The following MITD1 variants were observed in gnomAD, a reference collection of about 807,000 sequenced individuals.
The protein encoded by MITD1 is MIT domain-containing protein 1.
MITD1 carries 24 observed loss-of-function variants against 34.9 expected under a neutral mutation model. The observed-to-expected ratio is 0.69, with a 90% CI of 0.50 to 0.97. The LOEUF is 0.97. MITD1 is among the 50% of genes least tolerant of loss of function. MITD1 has a pLI of 0.00. For synonymous variants in MITD1, 102 were observed against 101.4 expected (o/e 1.01, Z -0.04); for missense variants, 266 against 294.6 (o/e 0.90, Z 0.71).
downstream of MITD1, among the ~76,000 whole-genome samples, chr2:99,168,937 GC>G (rs1452563835): frequency 1.0e-4 from 13 of 128,984 alleles, no homozygotes; most frequent in East Asian, 2.9e-3. Context: ...ATGCCACCAT[GC>G]CCGGCTAATT....
At chr2:99,169,030 A>G (rs1183960372), downstream of MITD1, among the ~76,000 whole-genome samples, 3 of 129,200 alleles carry the variant, frequency 2.3e-5, no homozygotes, top group African/African-American at 8.9e-5. Flanking sequence ...ACTCTAATCC[A>G]TGGTGTCTTT....
chr2:99,180,774 C>T (rs1313370077), intron 1 of MITD1, 57 bp downstream of exon 1: 1 of 1,462,742 alleles, frequency 6.8e-7, no homozygotes, highest in Non-Finnish European at 9.6e-7. Context: ...TCACCCCAGA[C>T]ACAGCAGGAA....
chr2:99,180,939 C>T lies in MITD1; in HGVS notation c.43G>A (p.Ala15Thr). Residue 15 changes from alanine to threonine, a missense_variant, in exon 1 of 7, where the codon GCA becomes ACA. Ala to Thr is a moderately conservative substitution (Grantham distance 58). Transcript: ENST00000289359. ...GLRQDPQSTA[A>T]ATVLKRAVEL... ...ACTGCCCGCTTTAGCACAGTGGCTG[C>T]AGCTGTGCTCTGCGGGTCCTGCCTC... 1.2e-6 allele frequency: 2 copies of T among 1,614,154 alleles called. No homozygotes were observed. The highest frequency in any genetic ancestry group is 1.7e-6 in the Non-Finnish European group (2 of 1,180,018).
At position 99,173,983 on chromosome 2, in the gene MITD1, CTG is replaced by C. The variant is rs750709712; in HGVS notation, c.183_184del (p.Glu63LysfsTer30). 77 of 1,593,310 alleles carry C rather than the reference CTG, an allele frequency of 4.8e-5. No homozygotes were observed. Among genetic ancestry groups the C allele is most frequent in the Non-Finnish European group, 6.4e-5 (74 of 1,162,948 alleles). ...GTCCATGTATTTGGAAATTTTTTCT[CTG>C]AGATTACATCTCTTAGTATTATCTT... On this transcript the variant is annotated frameshift_variant, in exon 2 of 7. Transcript: ENST00000289359. LOFTEE classifies it high-confidence loss of function.
intron 7 of MITD1, chr2:99,162,590 A>AT: frequency 1.2e-6 from 2 of 1,614,134 alleles, no homozygotes; most frequent in Non-Finnish European, 1.7e-6. Flanking sequence ...TACCTTCCTT[A>AT]GTGAAAAATC....
At position 99,180,966 on chromosome 2, in the gene MITD1, G is replaced by C; in HGVS notation, c.16C>G (p.Leu6Val). The change falls in exon 1 of 7, where the codon CTG becomes GTG. Residue 6 changes from leucine (L) to valine (V), a missense_variant. Transcript: ENST00000289359. The part of the protein sequence containing the change: MAKSG[L>V]RQDPQSTAAA... ...GCTGTGCTCTGCGGGTCCTGCCTCA[G>C]CCCGGACTTCGCCATAATTCTGGAA... is the stretch of plus-strand genomic sequence containing the variant. 2 of 1,613,666 alleles carry C rather than the reference G, an allele frequency of 1.2e-6. No individual in the cohort carries two copies. The highest frequency in any genetic ancestry group is 1.7e-6 in the Non-Finnish European group (2 of 1,179,762).
chr2:99,170,956 A>G (rs1213183081), intron 4 of MITD1: 2 of 260,798 alleles, frequency 7.7e-6, no homozygotes, highest in East Asian at 1.5e-4. Flanking sequence ...AATCATAATT[A>G]TTTAGAAGCA....
At chr2:99,179,709 CGTG>C (rs1381181506) in intron 1 of MITD1, among the ~76,000 whole-genome samples, 6 of 152,050 alleles carry the variant, frequency 3.9e-5, no homozygotes, top group African/African-American at 1.4e-4. Flanking sequence ...ACTACAGGTG[CGTG>C]CCACCATGCC....
Position 99,181,009 on chromosome 2 carries a change from C to G in MITD1, c.-28G>C. 11 of 1,605,802 alleles carry G rather than the reference C, an allele frequency of 6.9e-6. No homozygotes were observed. Among genetic ancestry groups the G allele is most frequent in the Non-Finnish European group, 8.5e-6 (10 of 1,175,598 alleles). On this transcript the variant is annotated 5_prime_UTR_variant, in exon 1 of 7. Transcript: ENST00000289359. ...TTCTGGAAGTTCTCCTCCGCCTCAA[C>G]CCAGGATGAAGTTGAGCGGGTCTGC...
chr2:99,179,651 C>T (rs901203810), intron 1 of MITD1, among the ~76,000 whole-genome samples: 1 of 152,134 alleles, frequency 6.6e-6, no homozygotes, highest in Non-Finnish European at 1.5e-5. Flanking sequence ...CAACCTCCGC[C>T]TCCCGGATTC....
downstream of MITD1, among the ~76,000 whole-genome samples, chr2:99,165,730 T>C (rs1403451139): frequency 1.3e-5 from 2 of 152,226 alleles, no homozygotes; most frequent in Non-Finnish European, 2.9e-5. Flanking sequence ...AAAAGTTTAC[T>C]ATACTCTTTG....
At chr2:99,176,896 G>A (rs2093891086) in intron 1 of MITD1, among the ~76,000 whole-genome samples, 1 of 152,134 alleles carries the variant, frequency 6.6e-6, no homozygotes, top group Non-Finnish European at 1.5e-5. Context: ...ACCAAATTCT[G>A]GGTGCCAGCT....
rs1559178078 is a variant in MITD1 at position 99,171,573 on chromosome 2, T to C, written c.327A>G (p.Glu109=). The part of the protein sequence containing the change: ...TGFSYESLFR[E]YLNETVTEVW... The stretch of plus-strand genomic sequence containing the variant: ...CTTCTGTAACTGTCTCATTAAGGTA[T>C]TCGCGAAAAAGTGACTCATAACTGA... The change falls in exon 3 of 7, where the codon GAA becomes GAG. Residue 109 remains glutamate, a synonymous_variant. Transcript: ENST00000289359. 1 of 1,612,834 alleles carries C rather than the reference T, an allele frequency of 6.2e-7. No homozygotes were observed.
chr2:99,175,497 G>A (rs923764562), intron 1 of MITD1, among the ~76,000 whole-genome samples: 8 of 152,202 alleles, frequency 5.3e-5, no homozygotes, highest in African/African-American at 1.7e-4. Flanking sequence ...TGCTCAGTGG[G>A]TACATGATGT....
At chr2:99,164,861 A>T (rs1279735011), downstream of MITD1, among the ~76,000 whole-genome samples, 2 of 120,032 alleles carry the variant, frequency 1.7e-5, no homozygotes, top group African/African-American at 5.2e-5. Flanking sequence ...CAGAGAGAGG[A>T]TATCATCAGG....
In MITD1 at chr2:99,170,618, T is replaced by C; in HGVS notation, c.512A>G (p.Gln171Arg). 1 of 1,608,086 alleles carries C rather than the reference T, an allele frequency of 6.2e-7. No homozygotes were observed. The highest frequency in any genetic ancestry group is 8.5e-7 in the Non-Finnish European group (1 of 1,175,114). ...ACTCCTGAGTGACTCTTCTATTTCT[T>C]GCAGGCCTCTACTTTGCTGCACTTG... is the stretch of plus-strand genomic sequence containing the variant. ...IEQVQQSRGL[Q>R]EIEESLRSHG... The change falls in exon 5 of 7, where the codon CAA becomes CGA. Residue 171 changes from glutamine (Q) to arginine (R), a missense_variant. By Grantham distance (43) the Gln-to-Arg change is conservative. Transcript: ENST00000289359.
chr2:99,174,335 C>T (rs1238115247), intron 1 of MITD1, among the ~76,000 whole-genome samples: 2 of 152,120 alleles, frequency 1.3e-5, no homozygotes, highest in African/African-American at 4.8e-5. Flanking sequence ...ATCCTAACTA[C>T]CCACAAGTTT....
intron 2 of MITD1, 36 bp from the exon 3 acceptor site, chr2:99,171,682 C>G (rs1465789474): frequency 6.3e-7 from 1 of 1,579,308 alleles, no homozygotes; most frequent in South Asian, 1.2e-5. Flanking sequence ...AAACCAGTGA[C>G]CATTTTTTTT....
chr2:99,171,726 T>C, intron 2 of MITD1, 80 bp from the exon 3 acceptor site: 1 of 1,342,282 alleles, frequency 7.4e-7, no homozygotes, highest in Admixed American at 2.2e-5. Context: ...GAGTGATTAA[T>C]CAGCATCAGA....
Sources: gnomAD v4.1 joint callset for allele counts (sites outside exome capture counted in the v4.1 genomes callset) on GRCh38, gnomAD v4.1.1 for gene constraint, MANE v1.5 for transcripts, NCBI Gene and HGNC (gene_info 2026-07-23, HGNC 2026-07-21) for gene names.